The following RBFOX1 variants were observed in gnomAD, a reference collection of about 807,000 sequenced individuals.
RBFOX1 encodes RNA binding protein fox-1 homolog 1.
In RBFOX1, 8 loss-of-function variants were observed where a neutral mutation model predicts 57.7. The observed-to-expected ratio is 0.14, with a 90% confidence interval of 0.08 to 0.25. RBFOX1 has a LOEUF of 0.25. Among genes scored for constraint, RBFOX1 ranks in the 10% least tolerant of loss-of-function variants. RBFOX1 has a pLI of 1.00. For missense variants in RBFOX1, 611 were observed against 548.5 expected, an observed-to-expected ratio of 1.11 and a Z score of -1.14; for synonymous variants, 326 against 222.4, an observed-to-expected ratio of 1.47 and a Z score of -4.15.
Position 7,575,429 on chromosome 16 carries a change from G to A in RBFOX1, c.271-4348G>A, listed in dbSNP as rs933655881. Among the ~76,000 whole-genome samples, 6 of 152,110 alleles carry A rather than the reference G, an allele frequency of 3.9e-5. No homozygotes were observed. In the South Asian group the frequency reaches 6.2e-4, roughly 16 times the overall value. On this transcript the variant is annotated intron_variant, in intron 5 of 15. Transcript: ENST00000550418. Reference sequence around the variant, plus strand: ...ATTATAGGTGTAAGCCACCGCACCCGACCCTAGTATCGTTTTAAGAAGAAA... The same window carrying A: ...ATTATAGGTGTAAGCCACCGCACCCAACCCTAGTATCGTTTTAAGAAGAAA...
At chr16:5,650,989 C>G (rs1013973761) in intron 3 of RBFOX1, among the ~76,000 whole-genome samples, 1 of 150,414 alleles carries the variant, frequency 6.6e-6, no homozygotes, top group Non-Finnish European at 1.5e-5. Context: ...CTTGCTGTCC[C>G]TTCTCCCTCT....
At position 6,019,606 on chromosome 16, in the gene RBFOX1, T is replaced by TGAGCC. The variant is rs2095028409; in HGVS notation, c.-503_-499dup. ...CCTCCGGGGCTGAAGAAGGAAGGAG[T>TGAGCC]GAGCCGAGCCGAGCACCCCACATCT... is the stretch of plus-strand genomic sequence containing the variant. On this transcript the variant is annotated 5_prime_UTR_variant, in exon 1 of 16. Coordinates refer to ENST00000550418, the MANE Select transcript of RBFOX1 (RefSeq NM_018723.4). This position sits in a 1 kb window ranked among gnomAD's most constrained non-coding sequence, Gnocchi z 4.2. 2.5e-6 allele frequency: 3 copies of TGAGCC among 1,224,004 alleles called. No homozygotes were observed. Among genetic ancestry groups the TGAGCC allele is most frequent in the Admixed American group, 8.5e-5 (2 of 23,440 alleles). The allele number at this position is 1,224,004 out of a possible 1,614,324, so 75.8% of individuals were successfully genotyped here.
chr16:7,207,023 C>A (rs79596218), intron 4 of RBFOX1, among the ~76,000 whole-genome samples: 2 of 152,238 alleles, frequency 1.3e-5, no homozygotes, highest in South Asian at 2.1e-4. Flanking sequence ...CAATGCCATG[C>A]TTCATCCTGG....
chr16:6,962,424 T>C (rs1383161318), intron 3 of RBFOX1, among the ~76,000 whole-genome samples: 1 of 152,182 alleles, frequency 6.6e-6, no homozygotes, highest in African/African-American at 2.4e-5. Context: ...CTACAACCTG[T>C]GCAACTTTTT....
chr16:7,015,687 A>T (rs2093875606), intron 3 of RBFOX1, among the ~76,000 whole-genome samples: 1 of 152,100 alleles, frequency 6.6e-6, no homozygotes, highest in African/African-American at 2.4e-5. Flanking sequence ...TTTTTTTATG[A>T]CTAGCGGTCT....
rs373801106 is a variant in RBFOX1 at position 7,606,495 on chromosome 16, T to C, written c.623-790T>C. Among the ~76,000 whole-genome samples the C allele has an allele frequency of 5.3e-5, 8 of 152,294 alleles. No individual in the cohort carries two copies. In the South Asian group the frequency reaches 1.7e-3, roughly 32 times the overall value. ...ACAAAACCCTAAAACGTGATCAGTC[T>C]CTGGAAATTGTTCCCCTAAATAATG... is the stretch of plus-strand genomic sequence containing the variant. On this transcript the variant is annotated intron_variant, in intron 9 of 15. Transcript: ENST00000550418.
At chr16:5,630,988 G>A (rs1328325195) in intron 3 of RBFOX1, among the ~76,000 whole-genome samples, 27 of 152,330 alleles carry the variant, frequency 1.8e-4, no homozygotes, top group Non-Finnish European at 1.5e-5. Context: ...GGGAAAGTGG[G>A]AGTGGTGAAG....
intron 3 of RBFOX1, among the ~76,000 whole-genome samples, chr16:6,728,805 TA>T (rs374323566): frequency 2.3e-3 from 344 of 152,338 alleles, no homozygotes; most frequent in African/African-American, 7.7e-3. Flanking sequence ...ATGTGAAATT[TA>T]TCTGCATAAT....
At chr16:6,309,432 C>T (rs906759360) in intron 1 of RBFOX1, among the ~76,000 whole-genome samples, 3 of 152,126 alleles carry the variant, frequency 2.0e-5, no homozygotes, top group Non-Finnish European at 4.4e-5. Flanking sequence ...AACCAGGGAC[C>T]CAAACTTGCC....
At chr16:6,697,713 TC>T (rs985295917) in intron 3 of RBFOX1, among the ~76,000 whole-genome samples, 2 of 152,028 alleles carry the variant, frequency 1.3e-5, no homozygotes, top group African/African-American at 4.8e-5. Flanking sequence ...GGATGATCCT[TC>T]CCCAAAGAAA....
chr16:5,767,137 G>A (rs2053809698), intron 3 of RBFOX1, among the ~76,000 whole-genome samples: 1 of 152,194 alleles, frequency 6.6e-6, no homozygotes, highest in Non-Finnish European at 1.5e-5. Context: ...CCCTACCTAG[G>A]GCCGGGCATT....
chr16:7,026,168 C>T (rs2040865007), intron 3 of RBFOX1, among the ~76,000 whole-genome samples: 3 of 152,162 alleles, frequency 2.0e-5, no homozygotes, highest in Admixed American at 2.0e-4. Flanking sequence ...CTCCCTTAAA[C>T]CCAACTTCTT....
chr16:6,967,077 A>T (rs1304645772), intron 3 of RBFOX1, among the ~76,000 whole-genome samples: 1 of 152,100 alleles, frequency 6.6e-6, no homozygotes, highest in Non-Finnish European at 1.5e-5. Flanking sequence ...CTATACATTC[A>T]TCCACCCATC....
intron 4 of RBFOX1, among the ~76,000 whole-genome samples, chr16:7,404,302 C>G (rs543138072): frequency 1.3e-5 from 2 of 152,120 alleles, no homozygotes; most frequent in Non-Finnish European, 2.9e-5. Context: ...ATCTGCCTGC[C>G]TCAGCCTCCC....
At chr16:5,392,805 C>A (rs190925101) in intron 1 of RBFOX1, among the ~76,000 whole-genome samples, 1 of 152,270 alleles carries the variant, frequency 6.6e-6, no homozygotes, top group Non-Finnish European at 1.5e-5. Flanking sequence ...TCGCCCCTGA[C>A]CCTGTGGGCA....
chr16:6,952,371 G>C (rs908127860), intron 3 of RBFOX1, among the ~76,000 whole-genome samples: 3 of 152,282 alleles, frequency 2.0e-5, no homozygotes, highest in Non-Finnish European at 4.4e-5. Context: ...AACTTGTTGG[G>C]CATGGTGGTT....
chr16:7,008,659 T>C (rs1433292149), intron 3 of RBFOX1, among the ~76,000 whole-genome samples: 1 of 13,118 alleles, frequency 7.6e-5, no homozygotes, highest in Non-Finnish European at 1.2e-4. Flanking sequence ...CCTCCTCCCT[T>C]CCTCCCTCCC....
intron 4 of RBFOX1, among the ~76,000 whole-genome samples, chr16:7,412,195 G>GGACT (rs1484026710): frequency 6.6e-6 from 1 of 151,880 alleles, no homozygotes; most frequent in Non-Finnish European, 1.5e-5. Flanking sequence ...GTACTTTGGA[G>GGACT]GACTACCTGA....
At chr16:6,638,998 A>G (rs891956188) in intron 2 of RBFOX1, among the ~76,000 whole-genome samples, 1 of 152,242 alleles carries the variant, frequency 6.6e-6, no homozygotes, top group Non-Finnish European at 1.5e-5. Context: ...CTCGAGTTCA[A>G]GTGAATCCTG....
Sources: allele counts gnomAD v4.1 joint callset (sites outside exome capture counted in the v4.1 genomes callset), GRCh38; gene constraint gnomAD v4.1.1; non-coding constraint Gnocchi (gnomAD v3.1); transcripts MANE v1.5; gene names NCBI Gene and HGNC (gene_info 2026-07-23, HGNC 2026-07-21).